Variants in OPCML observed in about 807,000 individuals in gnomAD.
OPCML encodes opioid-binding protein/cell adhesion molecule.
In OPCML, 13 loss-of-function variants were observed where a neutral mutation model predicts 37.8. The ratio of observed to expected loss-of-function variants is 0.34; its 90% CI spans 0.22 to 0.55. The LOEUF is 0.55. OPCML is among the 20% of genes least tolerant of loss of function. The probability of loss-of-function intolerance (pLI) is 0.91; values close to 1 mark genes in which losing one functional copy is unlikely to be tolerated. For missense variants in OPCML, 341 were observed against 435.6 expected (o/e 0.78, Z 1.93); for synonymous variants, 176 against 168.8 (o/e 1.04, Z -0.33).
At chr11:132,832,264 A>G (rs753078405) in intron 2 of OPCML, among the ~76,000 whole-genome samples, 21 of 148,044 alleles carry the variant, frequency 1.4e-4, no homozygotes, top group Non-Finnish European at 2.5e-4. Flanking sequence ...AAAAAATGAT[A>G]GTGTACTTAA....
chr11:132,778,078 G>A (rs1946868042), intron 2 of OPCML, among the ~76,000 whole-genome samples: 1 of 152,172 alleles, frequency 6.6e-6, no homozygotes, highest in Admixed American at 6.5e-5. Context: ...GTAACTTAGG[G>A]AAGCCACAGG....
At chr11:132,821,431 A>G (rs1052325293) in intron 2 of OPCML, among the ~76,000 whole-genome samples, 1 of 152,196 alleles carries the variant, frequency 6.6e-6, no homozygotes, top group Non-Finnish European at 1.5e-5. Context: ...CTGAAAGACA[A>G]CCAGCTCCAT....
intron 1 of OPCML, among the ~76,000 whole-genome samples, chr11:133,227,105 C>T (rs1056665765): frequency 2.0e-5 from 3 of 152,166 alleles, no homozygotes; most frequent in African/African-American, 7.2e-5. Context: ...CCTCACCAGC[C>T]TTCGCCCCTG....
chr11:133,386,561 T>TC (rs1945059132), intron 1 of OPCML, among the ~76,000 whole-genome samples: 1 of 152,136 alleles, frequency 6.6e-6, no homozygotes, highest in South Asian at 2.1e-4. Flanking sequence ...AAGACATGGG[T>TC]CCCTCTGGAC....
At chr11:133,210,629 G>T (rs1274740243) in intron 1 of OPCML, among the ~76,000 whole-genome samples, 1 of 152,126 alleles carries the variant, frequency 6.6e-6, no homozygotes, top group Non-Finnish European at 1.5e-5. Context: ...CATCAAAGTT[G>T]AAATGACCAC....
intron 1 of OPCML, among the ~76,000 whole-genome samples, chr11:133,049,421 C>T (rs913021838): frequency 6.6e-6 from 1 of 152,162 alleles, no homozygotes; most frequent in Admixed American, 6.5e-5. Context: ...TCTGACACAC[C>T]TGACCTCCCA....
At chr11:132,991,321 A>G (rs1427328440) in intron 1 of OPCML, among the ~76,000 whole-genome samples, 3 of 152,218 alleles carry the variant, frequency 2.0e-5, no homozygotes, top group African/African-American at 4.8e-5. Context: ...TGCCTGGATC[A>G]TATTTGTATT....
chr11:133,486,735 G>A (rs185478669), intron 1 of OPCML, among the ~76,000 whole-genome samples: 40 of 151,994 alleles, frequency 2.6e-4, no homozygotes, highest in Admixed American at 2.2e-3. Flanking sequence ...GTCTCTACTC[G>A]GAGGGTACTT....
rs568663443 is a variant in OPCML, at chr11:132,573,785, A to G, written c.380-44599T>C. 4.1e-4 allele frequency among the ~76,000 whole-genome samples: 62 copies of G among 152,068 alleles called. No homozygotes were observed. The South Asian group carries it at 0.011, about 26-fold the overall frequency. On this transcript the variant is annotated intron_variant, in intron 3 of 7. Coordinates refer to ENST00000524381, the MANE Select transcript of OPCML (RefSeq NM_001012393.5). ...AAGTGTTTCCTCGTTTTAATTTTTT[A>G]GAAGAGTTTGAGAAAGATTGGCCTT... is the stretch of plus-strand genomic sequence containing the variant.
intron 2 of OPCML, among the ~76,000 whole-genome samples, chr11:132,672,619 T>C (rs975924842): frequency 6.6e-6 from 1 of 152,206 alleles, no homozygotes; most frequent in African/African-American, 2.4e-5. Context: ...CCGGAAAATC[T>C]CAGCAGGACC....
intron 1 of OPCML, among the ~76,000 whole-genome samples, chr11:133,352,787 A>C (rs1449901066): frequency 6.6e-6 from 1 of 152,212 alleles, no homozygotes; most frequent in Non-Finnish European, 1.5e-5. Context: ...ATTTCTAAAA[A>C]TAATATTTTT....
At chr11:132,845,736 A>G (rs1263048535) in intron 2 of OPCML, among the ~76,000 whole-genome samples, 1 of 152,168 alleles carries the variant, frequency 6.6e-6, no homozygotes, top group African/African-American at 2.4e-5. Context: ...CTCTGTCACT[A>G]TTAGAGACAT....
chr11:132,672,983 G>C (rs1434108507), intron 2 of OPCML, among the ~76,000 whole-genome samples: 3 of 152,110 alleles, frequency 2.0e-5, no homozygotes, highest in Non-Finnish European at 4.4e-5. Flanking sequence ...TAAGAAATAA[G>C]AGACTTTGCT....
intron 2 of OPCML, among the ~76,000 whole-genome samples, chr11:132,713,537 A>G (rs1944352224): frequency 6.6e-6 from 1 of 152,232 alleles, no homozygotes; most frequent in African/African-American, 2.4e-5. Context: ...GAAAACTTCA[A>G]ACCTAAGTTT....
intron 1 of OPCML, among the ~76,000 whole-genome samples, chr11:133,514,293 G>T (rs548396179): frequency 6.6e-6 from 1 of 152,198 alleles, no homozygotes; most frequent in Non-Finnish European, 1.5e-5. Flanking sequence ...CGAGTTGGCT[G>T]CTCCCTAGTT....
chr11:133,428,984 T>C (rs977551718), intron 1 of OPCML, among the ~76,000 whole-genome samples: 1 of 152,152 alleles, frequency 6.6e-6, no homozygotes, highest in Non-Finnish European at 1.5e-5. Context: ...AGTTCAATAA[T>C]TGACAGAAGG....
intron 3 of OPCML, among the ~76,000 whole-genome samples, chr11:132,554,870 T>TTTTTGTTTG (rs1555152082): frequency 1.9e-4 from 22 of 113,802 alleles, no homozygotes; most frequent in African/African-American, 9.2e-4. Flanking sequence ...AAAGTTTTTT[T>TTTTTGTTTG]TTTTTTTTTT....
intron 1 of OPCML, among the ~76,000 whole-genome samples, chr11:133,508,390 C>T (rs1948084366): frequency 6.6e-6 from 1 of 152,218 alleles, no homozygotes; most frequent in Admixed American, 6.5e-5. Flanking sequence ...ATGTCAATGT[C>T]TTCTTTCTCT....
intron 1 of OPCML, among the ~76,000 whole-genome samples, chr11:133,409,319 C>A (rs2136862102): frequency 6.6e-6 from 1 of 152,256 alleles, no homozygotes; most frequent in Non-Finnish European, 1.5e-5. Context: ...TCTCTGGCAG[C>A]TAAGTGGTGA....
Sources: allele counts gnomAD v4.1 joint callset (sites outside exome capture counted in the v4.1 genomes callset), GRCh38; gene constraint gnomAD v4.1.1; transcripts MANE v1.5; gene names NCBI Gene and HGNC (gene_info 2026-07-23, HGNC 2026-07-21).